The following SYNE1 variants were observed in gnomAD, a reference collection of about 807,000 sequenced individuals.
SYNE1 encodes the protein nesprin-1.
In SYNE1, 616 loss-of-function variants were observed where a neutral mutation model predicts 1,111.0. The ratio of observed to expected loss-of-function variants is 0.55; its 90% CI spans 0.52 to 0.59. The LOEUF is 0.59. Ranked by LOEUF, SYNE1 falls within the 20% of genes least tolerant of loss-of-function variation. The pLI is 0.00. For synonymous variants in SYNE1, 3,855 were observed against 3,825.8 expected, an observed-to-expected ratio of 1.01 and a Z score of -0.28; for missense variants, 10,006 against 10,417.0, an observed-to-expected ratio of 0.96 and a Z score of 1.72.
chr6:152,462,658 T>G, intron 20 of SYNE1, 80 bp downstream of exon 20: 12 of 1,570,336 alleles, frequency 7.6e-6, no homozygotes, highest in Non-Finnish European at 8.7e-6. Context: ...GAAACAGCTT[T>G]TGCAATGATC....
intron 126 of SYNE1, among the ~76,000 whole-genome samples, chr6:152,202,496 C>T (rs1054975827): frequency 2.6e-5 from 4 of 151,652 alleles, no homozygotes; most frequent in Admixed American, 2.6e-4. Flanking sequence ...CTGTTACTGA[C>T]TATCTGTGTG....
chr6:152,213,865 C>T (rs1022937815), intron 122 of SYNE1, 106 bp from the exon 123 acceptor site: 26 of 1,507,812 alleles, frequency 1.7e-5, no homozygotes, highest in Non-Finnish European at 2.4e-5. Context: ...TCTAATTGAA[C>T]CACCACAAAG....
chr6:152,358,841 T>A (rs2096883230), intron 65 of SYNE1, among the ~76,000 whole-genome samples: 1 of 152,252 alleles, frequency 6.6e-6, no homozygotes, highest in South Asian at 2.1e-4. Context: ...CTTTTGCTAA[T>A]GAAGAAAATT....
At chr6:152,310,192 A>G (rs1294171644) in intron 89 of SYNE1, among the ~76,000 whole-genome samples, 175 bp from the exon 90 acceptor site, 1 of 152,070 alleles carries the variant, frequency 6.6e-6, no homozygotes, top group African/African-American at 2.4e-5. Context: ...CTGTAACCCC[A>G]GCACTTTGAG....
intron 115 of SYNE1, among the ~76,000 whole-genome samples, chr6:152,228,835 T>C (rs528074387): frequency 1.3e-5 from 2 of 152,336 alleles, no homozygotes; most frequent in South Asian, 4.1e-4. Context: ...CACTGGCCTC[T>C]AGAAAGTTGG....
chr6:152,310,484 A>G lies in SYNE1; in HGVS notation c.16931T>C (p.Leu5644Ser). 1 of 1,614,126 alleles carries G rather than the reference A, an allele frequency of 6.2e-7. No individual in the cohort carries two copies. Among genetic ancestry groups the G allele is most frequent in the Non-Finnish European group, 8.5e-7 (1 of 1,180,026 alleles). Residue 5644 changes from leucine (L) to serine (S), a missense_variant, in exon 89 of 146, where the codon TTA becomes TCA. Coordinates refer to ENST00000367255, the MANE Select transcript of SYNE1 (RefSeq NM_182961.4). ...MKKFEAELKKLQAALEQAQAT... is the reference protein window; with the variant it reads ...MKKFEAELKKSQAALEQAQAT... ...CTGGGCTTGCTCCAAGGCAGCTTGTAACTTTTTCAACTCTGCTTCAAATTT... is the reference window on the plus strand; with the variant it reads ...CTGGGCTTGCTCCAAGGCAGCTTGTGACTTTTTCAACTCTGCTTCAAATTT...
Position 152,139,973 on chromosome 6 carries a change from C to T in SYNE1, c.25435G>A (p.Glu8479Lys), listed in dbSNP as rs754577367. ...LELSTDIQTI[E>K]LQIKKLKELQ... ...ACCTTGAGCTTTTTGATCTGGAGCT[C>T]GATGGTCTGGATGTCAGTGCTGAGT... is the stretch of plus-strand genomic sequence containing the variant. The change falls in exon 140 of 146, where the codon GAG becomes AAG. Residue 8479 changes from glutamate (E) to lysine (K), a missense_variant. Coordinates refer to ENST00000367255, the MANE Select transcript of SYNE1 (RefSeq NM_182961.4). 1 of 1,613,840 alleles carries T rather than the reference C, an allele frequency of 6.2e-7. No individual in the cohort carries two copies. The highest frequency in any genetic ancestry group is 2.2e-5 in the East Asian group (1 of 44,866).
At chr6:152,411,562 T>C (rs904412935) in intron 42 of SYNE1, among the ~76,000 whole-genome samples, 1 of 152,194 alleles carries the variant, frequency 6.6e-6, no homozygotes, top group Non-Finnish European at 1.5e-5. Context: ...AACTTGAATA[T>C]TTAAAAAGAC....
intron 123 of SYNE1, 122 bp downstream of exon 123, chr6:152,213,490 G>A (rs1587948242): frequency 2.8e-6 from 3 of 1,090,270 alleles, no homozygotes; most frequent in East Asian, 4.7e-5. Context: ...AAGGCAAAAT[G>A]ATGCATGCAT....
chr6:152,496,870 T>C (rs1325071558), intron 11 of SYNE1, among the ~76,000 whole-genome samples: 1 of 152,200 alleles, frequency 6.6e-6, no homozygotes, highest in East Asian at 1.9e-4. Context: ...TCCACCATTG[T>C]GGTTTGTTCC....
intron 3 of SYNE1, among the ~76,000 whole-genome samples, chr6:152,616,590 A>G (rs914234607): frequency 6.6e-6 from 1 of 152,130 alleles, no homozygotes; most frequent in Non-Finnish European, 1.5e-5. Context: ...CAAAACAACA[A>G]CAACAACAAA....
At chr6:152,578,552 C>G (rs567831532) in intron 3 of SYNE1, among the ~76,000 whole-genome samples, 2 of 152,294 alleles carry the variant, frequency 1.3e-5, no homozygotes, top group Admixed American at 1.3e-4. Flanking sequence ...AGAGATTGTG[C>G]CACTGCACTA....
At chr6:152,255,827 A>AGT in intron 102 of SYNE1, 81 bp from the exon 103 acceptor site, 1 of 1,494,610 alleles carries the variant, frequency 6.7e-7, no homozygotes, top group Non-Finnish European at 9.3e-7. Context: ...GGGCCGGTGC[A>AGT]GTGCTCACAC....
At chr6:152,410,096 G>A (rs567537346) in intron 42 of SYNE1, among the ~76,000 whole-genome samples, 16 of 152,118 alleles carry the variant, frequency 1.1e-4, no homozygotes, top group Admixed American at 1.0e-3. Flanking sequence ...TATGTTGTGT[G>A]AAAGAAAACA....
At chr6:152,349,643 ATTG>A (rs2096707384) in intron 72 of SYNE1, among the ~76,000 whole-genome samples, 1 of 152,214 alleles carries the variant, frequency 6.6e-6, no homozygotes, top group Non-Finnish European at 1.5e-5. Context: ...ATCAAGTTCA[ATTG>A]TTGTCAATTG....
intron 4 of SYNE1, among the ~76,000 whole-genome samples, chr6:152,530,156 A>T (rs2099189259): frequency 6.6e-6 from 1 of 152,220 alleles, no homozygotes; most frequent in African/African-American, 2.4e-5. Flanking sequence ...TCTTTGGAAC[A>T]CAGCATCTGA....
intron 8 of SYNE1, among the ~76,000 whole-genome samples, chr6:152,507,063 C>T (rs1285785125): frequency 6.6e-6 from 1 of 152,156 alleles, no homozygotes; most frequent in Non-Finnish European, 1.5e-5. Flanking sequence ...CTCTAATTTT[C>T]AAGCTTGTCT....
intron 96 of SYNE1, 53 bp downstream of exon 96, chr6:152,283,925 A>G (rs1001965306): frequency 7.1e-7 from 1 of 1,413,104 alleles, no homozygotes; most frequent in Non-Finnish European, 1.0e-6. Context: ...TTGGTAACAC[A>G]ACGTTAAAAG....
At chr6:152,552,042 C>A (rs2099348767) in intron 3 of SYNE1, among the ~76,000 whole-genome samples, 1 of 152,156 alleles carries the variant, frequency 6.6e-6, no homozygotes, top group Non-Finnish European at 1.5e-5. Flanking sequence ...TGAAATACTA[C>A]CTTCATAGAA....
Sources: allele counts gnomAD v4.1 joint callset (sites outside exome capture counted in the v4.1 genomes callset), GRCh38; gene constraint gnomAD v4.1.1; transcripts MANE v1.5; gene names NCBI Gene and HGNC (gene_info 2026-07-23, HGNC 2026-07-21).